Variants in ARHGAP20 observed in about 807,000 individuals in gnomAD.
ARHGAP20 encodes Rho GTPase activating protein 20.
Under a neutral mutation model 73.7 loss-of-function variants are expected in ARHGAP20, and 34 were observed. The ratio of observed to expected loss-of-function variants is 0.46; its 90% CI spans 0.35 to 0.61. ARHGAP20 has a LOEUF of 0.61. Among genes scored for constraint, ARHGAP20 ranks in the 20% least tolerant of loss-of-function variants. The pLI is 0.00. For synonymous variants in ARHGAP20, 523 were observed against 518.2 expected, an observed-to-expected ratio of 1.01 and a Z score of -0.13; for missense variants, 1,314 against 1,420.9, an observed-to-expected ratio of 0.92 and a Z score of 1.21.
chr11:110,635,514 A>G (rs1347336161), intron 2 of ARHGAP20, among the ~76,000 whole-genome samples: 1 of 152,148 alleles, frequency 6.6e-6, no homozygotes, highest in Non-Finnish European at 1.5e-5. Context: ...AGTAGTTTAT[A>G]GTTCTACTTC....
At chr11:110,670,867 C>A (rs569516177) in intron 2 of ARHGAP20, among the ~76,000 whole-genome samples, 101 of 151,966 alleles carry the variant, frequency 6.6e-4, no homozygotes, top group Non-Finnish European at 1.2e-3. Flanking sequence ...CGGTCTTACC[C>A]CAAATTGTCA....
intron 2 of ARHGAP20, among the ~76,000 whole-genome samples, chr11:110,635,827 G>T (rs1259561694): frequency 1.3e-5 from 2 of 152,030 alleles, no homozygotes; most frequent in Non-Finnish European, 2.9e-5. Context: ...TTCTGGGGGA[G>T]TTGAAGAAGG....
intron 2 of ARHGAP20, among the ~76,000 whole-genome samples, chr11:110,660,069 A>AAAAAACAAAAAAAAAAAAAACAAAAC (rs775570615): frequency 6.8e-6 from 1 of 146,934 alleles, no homozygotes; most frequent in African/African-American, 2.6e-5. Flanking sequence ...AACAAAAAAA[A>AAAAAACAAAAAAAAAAAAAACAAAAC]AAAAAAAAAG....
At chr11:110,625,029 T>TA (rs1403183498) in intron 3 of ARHGAP20, among the ~76,000 whole-genome samples, 44 of 71,846 alleles carry the variant, frequency 6.1e-4, no homozygotes, top group Admixed American at 2.5e-3. Context: ...TATTTTTATT[T>TA]TTATTTTTTT....
In ARHGAP20 at chr11:110,578,718, A is replaced by C; in HGVS notation, c.*652T>G. ...AAAAAACAAACCGACAAATACAACC[A>C]ACAAAACTGATATCATGGTACCCAT... On this transcript the variant is annotated 3_prime_UTR_variant, in exon 15 of 15. Coordinates refer to ENST00000683387, the MANE Select transcript of ARHGAP20 (RefSeq NM_001384657.1). 1 of 985,454 alleles carries C rather than the reference A, an allele frequency of 1.0e-6. No individual in the cohort carries two copies. The highest frequency in any genetic ancestry group is 1.2e-6 in the Non-Finnish European group (1 of 829,938). 61.0% of individuals were successfully genotyped at this position (985,454 alleles called of 1,614,324 possible). A position where few individuals can be genotyped will look rare whatever the true frequency, so the allele number is the denominator to read the frequency against.
chr11:110,655,002 G>A (rs986952166), intron 2 of ARHGAP20, among the ~76,000 whole-genome samples: 5 of 152,150 alleles, frequency 3.3e-5, no homozygotes, highest in African/African-American at 1.2e-4. Context: ...AACTCTGGAT[G>A]TCTACATGGT....
intron 3 of ARHGAP20, among the ~76,000 whole-genome samples, chr11:110,625,142 A>C (rs940072696): frequency 1.5e-4 from 22 of 148,166 alleles, no homozygotes; most frequent in Non-Finnish European, 2.7e-4. Flanking sequence ...GGTTCACGCC[A>C]TTCTCCTGCC....
At chr11:110,593,329 A>G (rs1025634805) in intron 9 of ARHGAP20, among the ~76,000 whole-genome samples, 1 of 152,240 alleles carries the variant, frequency 6.6e-6, no homozygotes, top group African/African-American at 2.4e-5. Flanking sequence ...AGGTTTGCTT[A>G]TGATTTAATA....
intron 10 of ARHGAP20, 101 bp from the exon 11 acceptor site, chr11:110,590,910 G>A (rs1389567276): frequency 8.4e-7 from 1 of 1,186,056 alleles, no homozygotes; most frequent in Non-Finnish European, 1.1e-6. Flanking sequence ...GTGCGCTAGG[G>A]TAAAAGCACT....
At chr11:110,586,162 C>A in intron 12 of ARHGAP20, 54 bp downstream of exon 12, 1 of 933,002 alleles carries the variant, frequency 1.1e-6, no homozygotes, top group East Asian at 3.1e-5. Flanking sequence ...AATAAATAAT[C>A]TTATAAAATA....
intron 1 of ARHGAP20, among the ~76,000 whole-genome samples, chr11:110,694,605 A>G (rs1052442373): frequency 1.3e-5 from 2 of 151,754 alleles, no homozygotes; most frequent in African/African-American, 4.8e-5. Context: ...TTTTAAATAC[A>G]TGGATTAATT....
chr11:110,712,355 G>A lies in ARHGAP20; in HGVS notation c.-124C>T, dbSNP rs1591203745. On this transcript the variant is annotated 5_prime_UTR_variant, in exon 1 of 15. Coordinates refer to ENST00000683387, the MANE Select transcript of ARHGAP20 (RefSeq NM_001384657.1). ...GGCTGCCGTGCTCAGGCAGGGAGCC[G>A]AGCTCCGGGTGCTCGCCGCGCGCCT... 2 of 740,634 alleles carry A rather than the reference G, an allele frequency of 2.7e-6. No individual in the cohort carries two copies. Among genetic ancestry groups the A allele is most frequent in the Non-Finnish European group, 3.7e-6 (2 of 534,132 alleles). 45.9% of individuals were successfully genotyped at this position (740,634 alleles called of 1,614,324 possible).
At chr11:110,644,828 GA>G (rs1421011551) in intron 2 of ARHGAP20, among the ~76,000 whole-genome samples, 2 of 152,146 alleles carry the variant, frequency 1.3e-5, no homozygotes, top group Non-Finnish European at 2.9e-5. Flanking sequence ...CATGGCAAGA[GA>G]AACAATCAAA....
intron 4 of ARHGAP20, among the ~76,000 whole-genome samples, chr11:110,622,406 C>T (rs1176630136): frequency 2.6e-5 from 4 of 152,186 alleles, no homozygotes; most frequent in Non-Finnish European, 5.9e-5. Context: ...AGATTCCCTA[C>T]ATAGTTCTCA....
At chr11:110,598,494 C>G (rs1948029075) in intron 9 of ARHGAP20, among the ~76,000 whole-genome samples, 1 of 152,158 alleles carries the variant, frequency 6.6e-6, no homozygotes, top group Non-Finnish European at 1.5e-5. Context: ...GTTCTATACA[C>G]TAGACTAAGC....
chr11:110,618,806 TAG>T (rs1453745580), intron 4 of ARHGAP20, among the ~76,000 whole-genome samples: 1 of 19,188 alleles, frequency 5.2e-5, no homozygotes, highest in African/African-American at 2.1e-4. Context: ...TATGCAGTGA[TAG>T]AGTGTATGCA....
intron 2 of ARHGAP20, among the ~76,000 whole-genome samples, chr11:110,633,079 T>C (rs1948892121): frequency 2.0e-5 from 3 of 152,320 alleles, no homozygotes; most frequent in African/African-American, 7.2e-5. Flanking sequence ...TATTCTCCAA[T>C]GCATTCTATT....
chr11:110,701,892 T>C (rs1327552827), intron 1 of ARHGAP20, among the ~76,000 whole-genome samples: 1 of 152,112 alleles, frequency 6.6e-6, no homozygotes, highest in African/African-American at 2.4e-5. Context: ...CAGATAGTTG[T>C]AGATATGCGG....
chr11:110,688,724 C>T (rs1046130592), intron 2 of ARHGAP20, among the ~76,000 whole-genome samples: 1 of 152,120 alleles, frequency 6.6e-6, no homozygotes, highest in African/African-American at 2.4e-5. Flanking sequence ...AAGTCATTTA[C>T]GTATGACACT....
Sources: allele counts gnomAD v4.1 joint callset (sites outside exome capture counted in the v4.1 genomes callset), GRCh38; gene constraint gnomAD v4.1.1; transcripts MANE v1.5; gene names NCBI Gene and HGNC (gene_info 2026-07-23, HGNC 2026-07-21).